Variants in AATK observed in about 807,000 individuals in gnomAD.
The protein encoded by AATK is serine/threonine-protein kinase LMTK1.
AATK carries 91 observed loss-of-function variants against 114.3 expected under a neutral mutation model. The observed-to-expected ratio is 0.80, with a 90% confidence interval of 0.67 to 0.95. The LOEUF is 0.95. AATK is among the 40% of genes least tolerant of loss of function. The probability of loss-of-function intolerance (pLI) is 0.00; values close to 1 mark genes in which losing one functional copy is unlikely to be tolerated. For missense variants in AATK, 2,176 were observed against 1,965.2 expected (o/e 1.11, Z -2.03); for synonymous variants, 1,075 against 916.5 (o/e 1.17, Z -3.12).
intron 1 of AATK, among the ~76,000 whole-genome samples, chr17:81,141,499 C>T (rs1328662426): frequency 2.6e-5 from 4 of 152,178 alleles, no homozygotes; most frequent in Admixed American, 2.0e-4. Flanking sequence ...CCAGAACCTA[C>T]GATAATAGAC....
At position 81,134,470 on chromosome 17, in the gene AATK, T is replaced by C; in HGVS notation, c.87A>G (p.Pro29=). ...DGAPLSELSW[P]SSLAVVAVSF... ...ACACAGCCACCACGGCGAGGGAGGA[T>C]GGCCAGGACAGCTCGCTGAGCGGGG... is the stretch of plus-strand genomic sequence containing the variant. Residue 29 remains proline (P), a synonymous_variant, in exon 2 of 14, where the codon CCA becomes CCG. Transcript: ENST00000326724. 1.2e-6 allele frequency: 2 copies of C among 1,613,012 alleles called. No homozygotes were observed. Among genetic ancestry groups the C allele is most frequent in the Non-Finnish European group, 1.7e-6 (2 of 1,179,698 alleles).
intron 1 of AATK, among the ~76,000 whole-genome samples, chr17:81,159,874 T>C (rs957927745): frequency 6.6e-6 from 1 of 151,884 alleles, no homozygotes; most frequent in Admixed American, 6.5e-5. Context: ...GGCTACCCGA[T>C]ACCAGGGACA....
chr17:81,128,599 C>A (rs1227250107), intron 3 of AATK, 50 bp from the exon 4 acceptor site: 2 of 1,546,022 alleles, frequency 1.3e-6, no homozygotes, highest in Non-Finnish European at 1.7e-6. Context: ...CCGCACCCCC[C>A]AGCTTCCTCA....
intron 12 of AATK, 132 bp from the exon 13 acceptor site, chr17:81,119,712 CG>C (rs2060668863): frequency 8.9e-6 from 8 of 899,446 alleles, no homozygotes; most frequent in South Asian, 2.5e-5. Context: ...CATGATGTCA[CG>C]GGCCCAGGCC....
chr17:81,135,527 C>T lies in AATK; in HGVS notation c.56-1026G>A, dbSNP rs185271847. On this transcript the variant is annotated intron_variant, in intron 1 of 13. Transcript: ENST00000326724. ...CCTGCAACTTCTCAGCTCCCAACAC[C>T]CCTCAACACCCCATCTCCTGGCCCA... Among the ~76,000 whole-genome samples the T allele has an allele frequency of 7.2e-5, 11 of 152,280 alleles. No homozygotes were observed. The East Asian group carries it at 2.1e-3, about 29-fold the overall frequency.
In AATK at chr17:81,121,814, AGCCCTCAGCGTGGCC is replaced by A; in HGVS notation, c.2107_2121del (p.Gly703_Gly707del). 6.3e-7 allele frequency: 1 copy of A among 1,586,776 alleles called. No homozygotes were observed. Among genetic ancestry groups the A allele is most frequent in the East Asian group, 2.3e-5 (1 of 44,058 alleles). On this transcript the variant is annotated inframe_deletion, in exon 11 of 14. Coordinates refer to ENST00000326724, the MANE Select transcript of AATK (RefSeq NM_001080395.3). ...CGTGGGGTCTGCTTTGGACTGGGGCAGCCCTCAGCGTGGCCGCCCGCAGAGACGGGGTCCCAGGAC... is the reference window on the plus strand; with the variant it reads ...CGTGGGGTCTGCTTTGGACTGGGGCAGCCCGCAGAGACGGGGTCCCAGGAC...
intron 1 of AATK, among the ~76,000 whole-genome samples, chr17:81,158,938 G>T (rs1046738015): frequency 6.6e-6 from 1 of 152,140 alleles, no homozygotes; most frequent in Non-Finnish European, 1.5e-5. Flanking sequence ...CCCTGGGGCC[G>T]CTATACACAC....
rs1555597557 is a variant in AATK, at chr17:81,141,932, C to CT, written c.56-7432dup. ...CTTTCTCCCTCTCCTTCCTTCCTTC[C>CT]TTCCTTCCTTCCTTCCTTCCTTTCC... On this transcript the variant is annotated intron_variant, in intron 1 of 13. Transcript: ENST00000326724. Among the ~76,000 whole-genome samples, 223 of 67,616 alleles carry CT rather than the reference C, an allele frequency of 3.3e-3. 4 individuals are homozygous for CT. The highest frequency in any genetic ancestry group is 9.8e-3 in the African/African-American group (205 of 20,830). 44.4% of individuals were successfully genotyped at this position (67,616 alleles called of 152,430 possible).
Position 81,126,601 on chromosome 17 carries a change from G to T in AATK, c.622-41C>A, listed in dbSNP as rs185155922. ...GTGGCGCAGTCACCAGCAGGCTGGG[G>T]GCTGGCCACCCTGGGAGGTCCCCAC... is the stretch of plus-strand genomic sequence containing the variant. On this transcript the variant is annotated intron_variant, in intron 6 of 13. Coordinates refer to ENST00000326724, the MANE Select transcript of AATK (RefSeq NM_001080395.3). The surrounding 1 kb of genome is among the most constrained non-coding windows in gnomAD (Gnocchi z 5.1). The T allele has an allele frequency of 8.3e-4, 1,263 of 1,520,890 alleles. 12 individuals are homozygous for T. In the African/African-American group the frequency reaches 0.016, roughly 19 times the overall value. 94.2% of individuals were successfully genotyped at this position (1,520,890 alleles called of 1,614,324 possible). A position where few individuals can be genotyped will look rare whatever the true frequency, so the allele number is the denominator to read the frequency against.
chr17:81,121,398 G>A lies in AATK; in HGVS notation c.2538C>T (p.Gly846=). 1.2e-6 allele frequency: 2 copies of A among 1,609,192 alleles called. No individual in the cohort carries two copies. Among genetic ancestry groups the A allele is most frequent in the South Asian group, 1.1e-5 (1 of 90,268 alleles). Residue 846 remains glycine, a synonymous_variant, in exon 11 of 14, where the codon GGC becomes GGT. Transcript: ENST00000326724. The stretch of plus-strand genomic sequence containing the variant: ...CCTCCACCTCGGGAGAGCTGCTGCT[G>A]CCATTCAGGGCAGAAGCCAGCTTGA... The part of the protein sequence containing the change: ...SAIKLASALN[G]SSSSPEVEAP...
intron 1 of AATK, among the ~76,000 whole-genome samples, chr17:81,138,532 A>G (rs887477647): frequency 4.1e-5 from 6 of 148,030 alleles, no homozygotes; most frequent in African/African-American, 1.5e-4. Flanking sequence ...ACACGTGCAC[A>G]TACACGTTCG....
Position 81,165,667 on chromosome 17 carries a change from C to G in AATK, c.55+271G>C, listed in dbSNP as rs1377475909. 9 of 1,504,666 alleles carry G rather than the reference C, an allele frequency of 6.0e-6. No individual in the cohort carries two copies. The East Asian group carries it at 2.3e-4, about 39-fold the overall frequency. The allele number at this position is 1,504,666 out of a possible 1,614,324, so 93.2% of individuals were successfully genotyped here. On this transcript the variant is annotated intron_variant, in intron 1 of 13. Coordinates refer to ENST00000326724, the MANE Select transcript of AATK (RefSeq NM_001080395.3). ...GACACCAGGGGCCCACGCAGGCCCT[C>G]CGTGCCCCAGTTACCTGTGCCCTGG... is the stretch of plus-strand genomic sequence containing the variant.
intron 1 of AATK, among the ~76,000 whole-genome samples, chr17:81,139,020 ACAC>A (rs1364825247): frequency 2.6e-5 from 4 of 151,530 alleles, no homozygotes; most frequent in Admixed American, 1.3e-4. Flanking sequence ...CCACACACCC[ACAC>A]GTGTGCACAC....
intron 2 of AATK, chr17:81,131,984 G>T (rs1270639062): frequency 1.5e-6 from 2 of 1,318,886 alleles, no homozygotes; most frequent in Non-Finnish European, 2.0e-6. Flanking sequence ...CTCCTTAAGA[G>T]CCTGGCCCCG....
chr17:81,129,031 G>T (rs2060891100), intron 3 of AATK: 2 of 547,892 alleles, frequency 3.7e-6, no homozygotes, highest in South Asian at 6.8e-5. Context: ...GAGCACACTG[G>T]CCCATTCTCC....
intron 1 of AATK, among the ~76,000 whole-genome samples, chr17:81,159,547 C>T (rs866398993): frequency 8.5e-5 from 13 of 152,148 alleles, no homozygotes; most frequent in Admixed American, 2.6e-4. Context: ...GGCCTCACAG[C>T]GGAGCCCAAA....
At chr17:81,155,474 C>T (rs1454475414) in intron 1 of AATK, among the ~76,000 whole-genome samples, 1 of 152,048 alleles carries the variant, frequency 6.6e-6, no homozygotes, top group Non-Finnish European at 1.5e-5. Context: ...GCAACCTCCG[C>T]CTCCCGGATT....
chr17:81,163,073 AGCAAACCAGAGGTGGCCCCAGG>A (rs2061444093), intron 1 of AATK, among the ~76,000 whole-genome samples: 1 of 152,190 alleles, frequency 6.6e-6, no homozygotes, highest in African/African-American at 2.4e-5. Flanking sequence ...AGGGCCCCTC[AGCAAACCAGAGGTGGCCCCAGG>A]GCAAACCCCT....
intron 7 of AATK, chr17:81,125,274 T>C: frequency 1.3e-6 from 1 of 754,500 alleles, no homozygotes; most frequent in South Asian, 1.4e-5. Flanking sequence ...AATGTTACAG[T>C]GCAGAGGAGA....
Sources: allele counts gnomAD v4.1 joint callset (sites outside exome capture counted in the v4.1 genomes callset), GRCh38; gene constraint gnomAD v4.1.1; non-coding constraint Gnocchi (gnomAD v3.1); transcripts MANE v1.5; gene names NCBI Gene and HGNC (gene_info 2026-07-23, HGNC 2026-07-21).